ZNF704: variants seen among roughly 807,000 people sequenced by gnomAD.
The protein encoded by ZNF704 is zinc finger protein 704.
Under a neutral mutation model 44.7 loss-of-function variants are expected in ZNF704, and 10 were observed. The ratio of observed to expected loss-of-function variants is 0.22; its 90% CI spans 0.14 to 0.38. ZNF704 has a LOEUF of 0.38. ZNF704 is among the 10% of genes least tolerant of loss of function. The probability of loss-of-function intolerance (pLI) is 1.00; values close to 1 mark genes in which losing one functional copy is unlikely to be tolerated. For missense variants in ZNF704, 390 were observed against 545.5 expected (o/e 0.71, Z 2.84); for synonymous variants, 211 against 207.6 (o/e 1.02, Z -0.14).
At chr8:80,726,886 T>TA in intron 2 of ZNF704, among the ~76,000 whole-genome samples, 1 of 152,060 alleles carries the variant, frequency 6.6e-6, no homozygotes, top group East Asian at 1.9e-4. Flanking sequence ...TAATGGTTAA[T>TA]AAAGCAGTTA....
intron 2 of ZNF704, among the ~76,000 whole-genome samples, chr8:80,713,079 T>A (rs972507528): frequency 2.0e-5 from 3 of 152,018 alleles, no homozygotes; most frequent in Admixed American, 2.0e-4. Flanking sequence ...ATATTTTCAG[T>A]AGAGATGAGG....
intron 2 of ZNF704, among the ~76,000 whole-genome samples, chr8:80,722,200 A>C (rs1388144470): frequency 6.6e-6 from 1 of 152,158 alleles, no homozygotes; most frequent in Admixed American, 6.5e-5. Context: ...AGATGAGGCT[A>C]CCACACTCCA....
At chr8:80,783,066 G>A (rs1807556554) in intron 2 of ZNF704, among the ~76,000 whole-genome samples, 1 of 151,968 alleles carries the variant, frequency 6.6e-6, no homozygotes, top group South Asian at 2.1e-4. Flanking sequence ...AATGGGTCAG[G>A]GCTATAAATG....
chr8:80,866,469 C>T (rs1415328383), intron 1 of ZNF704, among the ~76,000 whole-genome samples: 1 of 152,154 alleles, frequency 6.6e-6, no homozygotes, highest in Non-Finnish European at 1.5e-5. Flanking sequence ...CTTATTTCAA[C>T]AACATAGATT....
intron 2 of ZNF704, among the ~76,000 whole-genome samples, chr8:80,803,489 T>C (rs892042049): frequency 5.3e-5 from 8 of 152,126 alleles, no homozygotes; most frequent in Non-Finnish European, 8.8e-5. Flanking sequence ...AACAGATACA[T>C]AGACCAGTGG....
At chr8:80,880,850 A>G in the ZNF704 span, among the ~76,000 whole-genome samples, 1 of 152,250 alleles carries the variant, frequency 6.6e-6, no homozygotes, top group Non-Finnish European at 1.5e-5. Flanking sequence ...CATAAAATCA[A>G]GAATTAATAT....
At chr8:80,858,243 G>A (rs1016271201) in intron 1 of ZNF704, among the ~76,000 whole-genome samples, 3 of 152,068 alleles carry the variant, frequency 2.0e-5, no homozygotes, top group Admixed American at 2.0e-4. Context: ...TTTCTCTACT[G>A]TTTGTCTTTT....
rs745328853 is a variant in ZNF704 at position 80,752,543 on chromosome 8, TAA to T, written c.222-59438_222-59437del. 5.8e-3 allele frequency among the ~76,000 whole-genome samples: 814 copies of T among 139,702 alleles called. 7 individuals carry two copies. Among genetic ancestry groups the T allele is most frequent in the African/African-American group, 0.02 (786 of 39,544 alleles). The allele number at this position is 139,702 out of a possible 152,430, so 91.6% of individuals were successfully genotyped here. ...CTTTGGGGGTAAACTTAAAAAAACT[TAA>T]AAAAAAAAAAAACGAAACAGAGTTT... On this transcript the variant is annotated intron_variant, in intron 2 of 8. Transcript: ENST00000327835.
chr8:80,676,021 A>G (rs1169661062), intron 4 of ZNF704, among the ~76,000 whole-genome samples: 1 of 152,164 alleles, frequency 6.6e-6, no homozygotes, highest in East Asian at 1.9e-4. Flanking sequence ...CATGATATTA[A>G]AAGCACAAAT....
At chr8:80,766,234 T>C (rs1807225423) in intron 2 of ZNF704, among the ~76,000 whole-genome samples, 1 of 150,866 alleles carries the variant, frequency 6.6e-6, no homozygotes, top group African/African-American at 2.4e-5. Flanking sequence ...TTCTCCAATA[T>C]TTTTTTTTAA....
chr8:80,772,136 T>A lies in ZNF704; in HGVS notation c.221+49238A>T, dbSNP rs574773346. ...TTCTATTTGCCAATATGTTACGAAT[T>A]TTTGAATCTGTAGCCATAAGGGATA... On this transcript the variant is annotated intron_variant, in intron 2 of 8. Transcript: ENST00000327835. Among the ~76,000 whole-genome samples the A allele has an allele frequency of 7.9e-5, 12 of 152,288 alleles. No individual in the cohort carries two copies. The East Asian group carries it at 1.2e-3, about 15-fold the overall frequency.
At chr8:80,782,372 A>G (rs1230253791) in intron 2 of ZNF704, among the ~76,000 whole-genome samples, 1 of 152,232 alleles carries the variant, frequency 6.6e-6, no homozygotes, top group African/African-American at 2.4e-5. Flanking sequence ...ACGGCTTTAC[A>G]AGCAGCTGCG....
At chr8:80,662,544 T>C (rs1178845689) in intron 6 of ZNF704, among the ~76,000 whole-genome samples, 1 of 152,228 alleles carries the variant, frequency 6.6e-6, no homozygotes, top group African/African-American at 2.4e-5. Context: ...GAATGAAATT[T>C]ATTACACTAA....
intron 2 of ZNF704, among the ~76,000 whole-genome samples, chr8:80,773,246 T>C (rs532438494): frequency 1.3e-5 from 2 of 152,326 alleles, no homozygotes; most frequent in East Asian, 1.9e-4. Flanking sequence ...TTTGAGACTC[T>C]TACTTTTATT....
intron 2 of ZNF704, among the ~76,000 whole-genome samples, chr8:80,708,618 A>C (rs1213836547): frequency 6.6e-6 from 1 of 152,268 alleles, no homozygotes; most frequent in Non-Finnish European, 1.5e-5. Context: ...TATAAATAAT[A>C]ATTTCCACCT....
intron 2 of ZNF704, among the ~76,000 whole-genome samples, chr8:80,748,174 A>T (rs947496866): frequency 2.0e-5 from 3 of 152,360 alleles, no homozygotes; most frequent in Non-Finnish European, 4.4e-5. Context: ...TGTCAGAAGA[A>T]AAGAGATTGT....
chr8:80,679,468 G>A (rs1818418809), intron 4 of ZNF704, among the ~76,000 whole-genome samples: 1 of 151,406 alleles, frequency 6.6e-6, no homozygotes, highest in South Asian at 2.1e-4. Context: ...CAAAGCTTCT[G>A]GCAGAGTTGC....
intron 2 of ZNF704, among the ~76,000 whole-genome samples, chr8:80,730,224 G>A (rs1239672087): frequency 6.6e-6 from 1 of 152,062 alleles, no homozygotes; most frequent in East Asian, 1.9e-4. Flanking sequence ...TTGTTTGTGT[G>A]CTCCATGACT....
chr8:80,844,914 A>C (rs1808744109), intron 1 of ZNF704, among the ~76,000 whole-genome samples: 1 of 151,794 alleles, frequency 6.6e-6, no homozygotes, highest in Non-Finnish European at 1.5e-5. Context: ...TCATGGGCTC[A>C]AGCAATCCTC....
Sources: gnomAD v4.1 joint callset for allele counts (sites outside exome capture counted in the v4.1 genomes callset) on GRCh38, gnomAD v4.1.1 for gene constraint, MANE v1.5 for transcripts, NCBI Gene and HGNC (gene_info 2026-07-23, HGNC 2026-07-21) for gene names.